The following COX7A2L variants were observed in gnomAD, a reference collection of about 807,000 sequenced individuals.
COX7A2L encodes the protein cytochrome c oxidase subunit 7A2-like, mitochondrial.
A neutral mutation model predicts 14.2 loss-of-function variants in COX7A2L; 18 were observed. The ratio of observed to expected loss-of-function variants is 1.27; its 90% confidence interval spans 0.88 to 1.88. The LOEUF (loss-of-function observed/expected upper bound fraction) is 1.88. Ranked by LOEUF, COX7A2L falls within the 40% of genes most tolerant of loss-of-function variation. The pLI is 0.00. For missense variants in COX7A2L, 179 were observed against 138.8 expected (o/e 1.29, Z -1.46); for synonymous variants, 65 against 57.4 (o/e 1.13, Z -0.60).
At chr2:42,346,090 C>G (rs774675172), downstream of COX7A2L, among the ~76,000 whole-genome samples, 10 of 152,170 alleles carry the variant, frequency 6.6e-5, no homozygotes, top group Non-Finnish European at 1.3e-4. Context: ...CATCTGCCCC[C>G]ACAGCCTGGC....
At chr2:42,353,366 G>A in intron 1 of COX7A2L, 23 bp from the exon 2 acceptor site, 1 of 1,611,710 alleles carries the variant, frequency 6.2e-7, no homozygotes, top group Non-Finnish European at 8.5e-7. Context: ...AAAGGAAAAT[G>A]GCAAGTTGAA....
At chr2:42,353,054 G>A in intron 2 of COX7A2L, 158 bp downstream of exon 2, 1 of 852,122 alleles carries the variant, frequency 1.2e-6, no homozygotes, top group Non-Finnish European at 1.8e-6. Flanking sequence ...CCTATATAAA[G>A]TTCTATTCGT....
intron 2 of COX7A2L, among the ~76,000 whole-genome samples, chr2:42,336,838 T>A (rs1296410284): frequency 6.6e-6 from 1 of 152,068 alleles, no homozygotes; most frequent in Non-Finnish European, 1.5e-5. Flanking sequence ...GGAGTTTATG[T>A]GGGACTCAGG....
At chr2:42,345,181 G>C (rs545967093), downstream of COX7A2L, among the ~76,000 whole-genome samples, 1 of 152,062 alleles carries the variant, frequency 6.6e-6, no homozygotes, top group South Asian at 2.1e-4. Context: ...TCAGGAGTTC[G>C]AGACCAGCCT....
chr2:42,353,415 C>A (rs1196388001), intron 1 of COX7A2L, 72 bp from the exon 2 acceptor site: 25 of 1,574,094 alleles, frequency 1.6e-5, no homozygotes, highest in Non-Finnish European at 1.7e-5. Context: ...GTGGAGGCAG[C>A]CATTCAACTA....
At position 42,357,331 on chromosome 2, in the gene COX7A2L, A is replaced by T. The variant is rs191290630; in HGVS notation, c.72+3759T>A. 8.9e-4 allele frequency among the ~76,000 whole-genome samples: 136 copies of T among 152,228 alleles called. 1 individual carries two copies. Among genetic ancestry groups the T allele is most frequent in the African/African-American group, 3.1e-3 (129 of 41,540 alleles). ...GCTTTTTGTTTTGTTTTGTTTATAG[A>T]TAGATCTTACACTGTCACCCACGCT... is the stretch of plus-strand genomic sequence containing the variant. On this transcript the variant is annotated intron_variant, in intron 1 of 2. Coordinates refer to ENST00000234301, the MANE Select transcript of COX7A2L (RefSeq NM_004718.4).
At chr2:42,335,814 G>C (rs1670258747) in intron 2 of COX7A2L, among the ~76,000 whole-genome samples, 1 of 152,240 alleles carries the variant, frequency 6.6e-6, no homozygotes, top group Non-Finnish European at 1.5e-5. Flanking sequence ...ACTTAAGACT[G>C]GCAGAAGAGA....
downstream of COX7A2L, among the ~76,000 whole-genome samples, chr2:42,348,715 G>A (rs1171865457): frequency 6.6e-6 from 1 of 152,042 alleles, no homozygotes; most frequent in Non-Finnish European, 1.5e-5. Context: ...TCAGAAAATC[G>A]AGACCATCTT....
chr2:42,364,169 T>A (rs1671112697), upstream of COX7A2L, among the ~76,000 whole-genome samples: 1 of 148,710 alleles, frequency 6.7e-6, no homozygotes, highest in African/African-American at 2.5e-5. Flanking sequence ...GAGAATGGCG[T>A]GAACCCGGGA....
At chr2:42,344,249 G>C (rs988932816) in intron 2 of COX7A2L, among the ~76,000 whole-genome samples, 1 of 152,140 alleles carries the variant, frequency 6.6e-6, no homozygotes, top group Admixed American at 6.5e-5. Flanking sequence ...ACTGCAGTTG[G>C]ACACCCACCT....
downstream of COX7A2L, among the ~76,000 whole-genome samples, chr2:42,345,104 C>A (rs1296049925): frequency 2.6e-5 from 4 of 152,104 alleles, no homozygotes; most frequent in East Asian, 5.8e-4. Context: ...ATTTTTAGGC[C>A]AGGTATGGTG....
Position 42,351,128 on chromosome 2 carries a change from T to A in COX7A2L, c.*91A>T. Reference sequence around the variant, plus strand: ...TTTTTCTTGCAAAAATGTTAAGCCATCCAAGTAAAAAAAAAAATTTTAATT... The same window carrying A: ...TTTTTCTTGCAAAAATGTTAAGCCAACCAAGTAAAAAAAAAAATTTTAATT... On this transcript the variant is annotated 3_prime_UTR_variant, in exon 3 of 3. Transcript: ENST00000234301. 5 of 1,383,308 alleles carry A rather than the reference T, an allele frequency of 3.6e-6. No individual in the cohort carries two copies. In the South Asian group the frequency reaches 7.9e-5, roughly 22 times the overall value. 85.7% of individuals were successfully genotyped at this position (1,383,308 alleles called of 1,614,324 possible). A position where few individuals can be genotyped will look rare whatever the true frequency, so the allele number is the denominator to read the frequency against.
At chr2:42,341,138 A>G (rs1218052388) in intron 2 of COX7A2L, among the ~76,000 whole-genome samples, 1 of 152,154 alleles carries the variant, frequency 6.6e-6, no homozygotes, top group East Asian at 1.9e-4. Flanking sequence ...TGAGTCCCAC[A>G]GGGGGACACA....
chr2:42,336,344 T>C (rs1478539932), intron 2 of COX7A2L, among the ~76,000 whole-genome samples: 1 of 152,216 alleles, frequency 6.6e-6, no homozygotes, highest in Non-Finnish European at 1.5e-5. Flanking sequence ...TGATGATTAC[T>C]AAGTATCTCA....
At chr2:42,353,413 AG>A in intron 1 of COX7A2L, 70 bp from the exon 2 acceptor site, 1 of 1,583,724 alleles carries the variant, frequency 6.3e-7, no homozygotes, top group Non-Finnish European at 8.6e-7. Context: ...TAGTGGAGGC[AG>A]CCATTCAACT....
In COX7A2L at chr2:42,339,852, G is replaced by A. The variant is rs1242594183; in HGVS notation, c.193-5983C>T. ...TTTGGTTTTAGCTTTTACATGAATG[G>A]AACCCCAAGTGTGCTCTCTGTCGTG... On this transcript the variant is annotated intron_variant, in intron 2 of 2. Coordinates refer to the COX7A2L transcript ENST00000468711. This position sits in a 1 kb window ranked among gnomAD's most constrained non-coding sequence, Gnocchi z 5.4. 6.6e-6 allele frequency among the ~76,000 whole-genome samples: 1 copy of A among 152,030 alleles called. No individual in the cohort carries two copies. The highest frequency in any genetic ancestry group is 2.4e-5 in the African/African-American group (1 of 41,362).
At chr2:42,361,470 A>C (rs1671048896), upstream of COX7A2L, 1 of 261,482 alleles carries the variant, frequency 3.8e-6, no homozygotes, top group Non-Finnish European at 7.4e-6. Flanking sequence ...ACGACAACTC[A>C]AGAAATGCGC....
At chr2:42,363,928 C>G (rs1450348557), upstream of COX7A2L, among the ~76,000 whole-genome samples, 3 of 152,102 alleles carry the variant, frequency 2.0e-5, no homozygotes, top group African/African-American at 7.2e-5. Context: ...TGCTAATGGC[C>G]TCTGGCAGGC....
upstream of COX7A2L, among the ~76,000 whole-genome samples, chr2:42,362,450 G>T (rs1671079253): frequency 6.6e-6 from 1 of 152,172 alleles, no homozygotes. Flanking sequence ...AATCCTATAA[G>T]GTAAATGCTA....
Sources: allele counts gnomAD v4.1 joint callset (sites outside exome capture counted in the v4.1 genomes callset), GRCh38; gene constraint gnomAD v4.1.1; non-coding constraint Gnocchi (gnomAD v3.1); transcripts MANE v1.5; gene names NCBI Gene and HGNC (gene_info 2026-07-23, HGNC 2026-07-21).